SORCS1: variants seen among roughly 807,000 people sequenced by gnomAD.
The protein encoded by SORCS1 is sortilin related VPS10 domain containing receptor 1.
In SORCS1, 60 loss-of-function variants were observed where a neutral mutation model predicts 146.1. That is an observed-to-expected ratio of 0.41 (90% confidence interval 0.33 to 0.51). SORCS1 has a LOEUF of 0.51. SORCS1 is among the 20% of genes least tolerant of loss of function. The probability of loss-of-function intolerance (pLI) is 0.21; values close to 1 mark genes in which losing one functional copy is unlikely to be tolerated. For missense variants in SORCS1, 1,352 were observed against 1,487.6 expected (o/e 0.91, Z 1.50); for synonymous variants, 637 against 584.0 (o/e 1.09, Z -1.31).
At chr10:106,841,770 T>C (rs1949055649) in intron 2 of SORCS1, among the ~76,000 whole-genome samples, 1 of 152,206 alleles carries the variant, frequency 6.6e-6, no homozygotes, top group Non-Finnish European at 1.5e-5. Flanking sequence ...TAGCTTTTTT[T>C]CTAAGTGTTG....
chr10:106,750,702 C>T (rs1236000413), intron 5 of SORCS1, among the ~76,000 whole-genome samples: 3 of 111,666 alleles, frequency 2.7e-5, no homozygotes, highest in Non-Finnish European at 5.0e-5. Flanking sequence ...GCACTCCAGA[C>T]TGGGCGACAG....
intron 3 of SORCS1, among the ~76,000 whole-genome samples, chr10:106,795,853 C>T (rs1007857806): frequency 3.3e-5 from 5 of 152,188 alleles, no homozygotes; most frequent in Admixed American, 2.6e-4. Context: ...ATCTCTGCCA[C>T]TGTCTAGTTC....
rs1363482797 is a variant in SORCS1, at chr10:106,575,039, T to C, written c.*2381A>G. ...GAATAAGAGTGTTATACCTCTTTCA[T>C]ACTTTTCTAATTAAAATGAATTGAA... On this transcript the variant is annotated 3_prime_UTR_variant, in exon 26 of 26. Coordinates refer to ENST00000263054, the MANE Select transcript of SORCS1 (RefSeq NM_052918.5). The C allele has an allele frequency of 2.0e-5, 3 of 152,658 alleles. No homozygotes were observed. The highest frequency in any genetic ancestry group is 2.1e-4 in the South Asian group (1 of 4,828). 9.5% of individuals were successfully genotyped at this position (152,658 alleles called of 1,614,324 possible).
chr10:106,644,469 C>T lies in SORCS1; in HGVS notation c.2475+7913G>A, dbSNP rs986941659. Among the ~76,000 whole-genome samples, 3 of 152,186 alleles carry T rather than the reference C, an allele frequency of 2.0e-5. No homozygotes were observed. In the East Asian group the frequency reaches 5.8e-4, roughly 29 times the overall value. On this transcript the variant is annotated intron_variant, in intron 18 of 25. Transcript: ENST00000263054. Reference sequence around the variant, plus strand: ...GCAACCTCCGCCTCCCAGGTTCAAGCAATTCTCCTGCCTCAACCTCCCAAG... The same window carrying T: ...GCAACCTCCGCCTCCCAGGTTCAAGTAATTCTCCTGCCTCAACCTCCCAAG...
chr10:106,848,694 A>T, intron 2 of SORCS1, among the ~76,000 whole-genome samples: 1 of 134,524 alleles, frequency 7.4e-6, no homozygotes, highest in African/African-American at 2.8e-5. Flanking sequence ...TGGTCTTTAC[A>T]TTTTGGCATG....
chr10:106,737,156 G>C (rs1857011407), intron 5 of SORCS1, among the ~76,000 whole-genome samples: 4 of 152,108 alleles, frequency 2.6e-5, no homozygotes, highest in Non-Finnish European at 5.9e-5. Flanking sequence ...GCAGTGAGGA[G>C]ATGAAGATGT....
chr10:106,719,560 G>C (rs2135926613), intron 6 of SORCS1, among the ~76,000 whole-genome samples: 1 of 152,112 alleles, frequency 6.6e-6, no homozygotes, highest in Middle Eastern at 3.4e-3. Context: ...CTATAGACAA[G>C]TAACACAGTG....
intron 2 of SORCS1, among the ~76,000 whole-genome samples, chr10:106,887,011 T>C (rs1211063539): frequency 6.6e-6 from 1 of 152,214 alleles, no homozygotes; most frequent in Non-Finnish European, 1.5e-5. Context: ...AAATGAGAGT[T>C]GATGGCTTCT....
intron 18 of SORCS1, among the ~76,000 whole-genome samples, chr10:106,641,142 T>C (rs976322146): frequency 6.6e-6 from 1 of 152,142 alleles, no homozygotes; most frequent in South Asian, 2.1e-4. Flanking sequence ...GTGGTATTGA[T>C]GACATTGGAA....
Position 106,976,334 on chromosome 10 carries a change from T to TTTTTTTTTTG in SORCS1, c.559-19755_559-19754insCAAAAAAAAA, listed in dbSNP as rs1554901336. Among the ~76,000 whole-genome samples the TTTTTTTTTTG allele has an allele frequency of 2.1e-3, 144 of 69,930 alleles. 4 individuals carry two copies. In the East Asian group the frequency reaches 0.045, roughly 22 times the overall value. 45.9% of individuals were successfully genotyped at this position (69,930 alleles called of 152,430 possible). On this transcript the variant is annotated intron_variant, in intron 1 of 25. Coordinates refer to ENST00000263054, the MANE Select transcript of SORCS1 (RefSeq NM_052918.5). Reference sequence around the variant, plus strand: ...TCAACTCATCATCTAGGTTTTTTTGTTTTTTTTTTTTTTTTGAGACGGAGT... The same window carrying TTTTTTTTTTG: ...TCAACTCATCATCTAGGTTTTTTTGTTTTTTTTTTGTTTTTTTTTTTTTTTGAGACGGAGT...
intron 4 of SORCS1, among the ~76,000 whole-genome samples, chr10:106,774,230 A>G (rs1411190334): frequency 6.6e-6 from 1 of 152,034 alleles, no homozygotes; most frequent in Non-Finnish European, 1.5e-5. Context: ...TATCATCCCA[A>G]CTGGTCTTGT....
chr10:106,950,677 T>C (rs1386471214), intron 2 of SORCS1, among the ~76,000 whole-genome samples: 1 of 151,982 alleles, frequency 6.6e-6, no homozygotes, highest in Non-Finnish European at 1.5e-5. Flanking sequence ...CTATAAAATA[T>C]CCTGTTGCTT....
intron 1 of SORCS1, among the ~76,000 whole-genome samples, chr10:106,993,282 G>A (rs575343152): frequency 1.3e-5 from 2 of 152,346 alleles, no homozygotes; most frequent in East Asian, 3.9e-4. Context: ...GGCTCTGACA[G>A]TAGACTCCTC....
intron 3 of SORCS1, among the ~76,000 whole-genome samples, chr10:106,782,919 T>C (rs1861005961): frequency 6.6e-6 from 1 of 152,202 alleles, no homozygotes. Context: ...CTCTAGTCAA[T>C]GTCTTCATGA....
At chr10:107,117,673 T>C (rs1966127847) in intron 1 of SORCS1, among the ~76,000 whole-genome samples, 1 of 152,232 alleles carries the variant, frequency 6.6e-6, no homozygotes, top group African/African-American at 2.4e-5. Context: ...CTCATGAAGT[T>C]TGCCTTGTAG....
chr10:106,719,249 T>C (rs1855610133), intron 6 of SORCS1, among the ~76,000 whole-genome samples: 2 of 152,072 alleles, frequency 1.3e-5, no homozygotes, highest in Admixed American at 1.3e-4. Flanking sequence ...AAGCATACAG[T>C]TTCCAGTTTC....
intron 1 of SORCS1, among the ~76,000 whole-genome samples, chr10:106,966,723 CCA>C (rs1446890486): frequency 6.6e-6 from 1 of 152,144 alleles, no homozygotes; most frequent in African/African-American, 2.4e-5. Flanking sequence ...CTCTGTTTCT[CCA>C]CAGAGCCAGA....
intron 5 of SORCS1, among the ~76,000 whole-genome samples, chr10:106,734,900 T>A (rs1856838643): frequency 6.6e-6 from 1 of 152,146 alleles, no homozygotes; most frequent in Admixed American, 6.5e-5. Context: ...CCAGGCGTGG[T>A]GGCTCACACC....
intron 1 of SORCS1, among the ~76,000 whole-genome samples, chr10:107,056,654 C>A (rs550840478): frequency 6.6e-6 from 1 of 152,312 alleles, no homozygotes; most frequent in South Asian, 2.1e-4. Flanking sequence ...CTTTCTCACT[C>A]AACCACTTAT....
Sources: allele counts gnomAD v4.1 joint callset (sites outside exome capture counted in the v4.1 genomes callset), GRCh38; gene constraint gnomAD v4.1.1; transcripts MANE v1.5; gene names NCBI Gene and HGNC (gene_info 2026-07-23, HGNC 2026-07-21).